ADARB2: variants seen among roughly 807,000 people sequenced by gnomAD.
The protein encoded by ADARB2 is adenosine deaminase RNA specific B2 (inactive), also known as inactive double-stranded RNA-specific editase B2.
ADARB2 carries 25 observed loss-of-function variants against 62.2 expected under a neutral mutation model. The observed-to-expected ratio is 0.40, with a 90% CI of 0.29 to 0.56. The LOEUF is 0.56. Among genes scored for constraint, ADARB2 ranks in the 20% least tolerant of loss-of-function variants. The pLI is 0.43. For missense variants in ADARB2, 1,071 were observed against 1,077.4 expected, an observed-to-expected ratio of 0.99 and a Z score of 0.08; for synonymous variants, 572 against 500.8, an observed-to-expected ratio of 1.14 and a Z score of -1.90.
chr10:1,597,932 A>G (rs904053402), intron 1 of ADARB2, among the ~76,000 whole-genome samples: 4 of 152,270 alleles, frequency 2.6e-5, no homozygotes, highest in Non-Finnish European at 4.4e-5. Context: ...GTGGAATACT[A>G]TGCAGCCATG....
At chr10:1,514,178 A>AATAT (rs61671460) in intron 1 of ADARB2, among the ~76,000 whole-genome samples, 2,090 of 94,152 alleles carry the variant, frequency 0.022, 301 homozygotes, top group South Asian at 0.043. Context: ...GCTGTCTCAA[A>AATAT]ATATATATAT....
At chr10:1,722,728 G>A (rs1835108095) in intron 1 of ADARB2, among the ~76,000 whole-genome samples, 1 of 152,040 alleles carries the variant, frequency 6.6e-6, no homozygotes, top group South Asian at 2.1e-4. Flanking sequence ...TTTTTACCTT[G>A]TGCTGTGATT....
chr10:1,494,253 G>T (rs577975473), intron 1 of ADARB2, among the ~76,000 whole-genome samples: 2 of 152,248 alleles, frequency 1.3e-5, no homozygotes, highest in African/African-American at 4.8e-5. Flanking sequence ...GAAGGAATGA[G>T]CCCATAGACA....
At chr10:1,259,009 T>C (rs923545807) in intron 4 of ADARB2, among the ~76,000 whole-genome samples, 1 of 152,150 alleles carries the variant, frequency 6.6e-6, no homozygotes, top group Admixed American at 6.6e-5. Context: ...TCAAAACTGC[T>C]CAACTACATG....
At chr10:1,420,592 C>A (rs1201322606) in intron 1 of ADARB2, among the ~76,000 whole-genome samples, 1 of 145,024 alleles carries the variant, frequency 6.9e-6, no homozygotes, top group African/African-American at 2.6e-5. Flanking sequence ...GATGGCAGGT[C>A]CTCATCTTCC....
intron 4 of ADARB2, among the ~76,000 whole-genome samples, chr10:1,263,541 G>A (rs1831164283): frequency 6.6e-6 from 1 of 152,214 alleles, no homozygotes; most frequent in African/African-American, 2.4e-5. Context: ...TGGACAATTA[G>A]ATTGAAGATA....
At chr10:1,644,083 G>C (rs1020403870) in intron 1 of ADARB2, among the ~76,000 whole-genome samples, 2 of 152,214 alleles carry the variant, frequency 1.3e-5, no homozygotes, top group African/African-American at 4.8e-5. Context: ...CAGCTAATGC[G>C]GGGAGATGGG....
At chr10:1,543,058 G>GGCCGC (rs1832460848) in intron 1 of ADARB2, among the ~76,000 whole-genome samples, 1 of 152,260 alleles carries the variant, frequency 6.6e-6, no homozygotes, top group African/African-American at 2.4e-5. Context: ...CTGTTACAGC[G>GGCCGC]ACGGTGCGGC....
At chr10:1,710,723 G>A (rs538656451) in intron 1 of ADARB2, among the ~76,000 whole-genome samples, 3 of 152,368 alleles carry the variant, frequency 2.0e-5, no homozygotes, top group Admixed American at 6.5e-5. Flanking sequence ...GTGAGCTCCC[G>A]CAGACTCTCA....
chr10:1,543,528 C>G (rs2131970863), intron 1 of ADARB2, among the ~76,000 whole-genome samples: 1 of 152,354 alleles, frequency 6.6e-6, no homozygotes, highest in East Asian at 1.9e-4. Context: ...AACGGCAGAT[C>G]TGCCGTCCAT....
chr10:1,649,582 G>A (rs781490432), intron 1 of ADARB2, among the ~76,000 whole-genome samples: 6 of 152,240 alleles, frequency 3.9e-5, no homozygotes, highest in Non-Finnish European at 7.3e-5. Context: ...AGGCACATAT[G>A]TGAAATTCTA....
Position 1,363,342 on chromosome 10 carries a change from G to A in ADARB2, c.763C>T (p.Arg255Trp), listed in dbSNP as rs1321513109. The part of the protein sequence containing the change: ...ALLSAAYGRR[R>W]LLCRALDLVG... ...AGGTCCAGCGCGCGGCACAGCAGCCGCCGTCGCCCGTAGGCCGCGGACAGA... is the reference window on the plus strand; with the variant it reads ...AGGTCCAGCGCGCGGCACAGCAGCCACCGTCGCCCGTAGGCCGCGGACAGA... Residue 255 changes from arginine (R) to tryptophan (W), a missense_variant, in exon 3 of 10, where the codon CGG (arginine) becomes TGG (tryptophan). Arg to Trp is a moderately radical substitution (Grantham distance 101, BLOSUM62 -3). Coordinates refer to ENST00000381312, the MANE Select transcript of ADARB2 (RefSeq NM_018702.4). The A allele has an allele frequency of 2.5e-5, 31 of 1,250,302 alleles. No individual in the cohort carries two copies. The highest frequency in any genetic ancestry group is 8.7e-5 in the Admixed American group (2 of 23,066). The allele number at this position is 1,250,302 out of a possible 1,614,324, so 77.5% of individuals were successfully genotyped here. A position where few individuals can be genotyped will look rare whatever the true frequency, so the allele number is the denominator to read the frequency against.
intron 3 of ADARB2, among the ~76,000 whole-genome samples, chr10:1,307,391 C>T (rs1344853068): frequency 2.8e-5 from 4 of 141,872 alleles, no homozygotes; most frequent in African/African-American, 7.6e-5. Context: ...TACCATCTCA[C>T]ACCAGTTAGA....
At chr10:1,578,856 CCACACTCATG>C (rs1833056905) in intron 1 of ADARB2, among the ~76,000 whole-genome samples, 1 of 152,152 alleles carries the variant, frequency 6.6e-6, no homozygotes, top group Non-Finnish European at 1.5e-5. Flanking sequence ...ACCCACAGGC[CCACACTCATG>C]CATTCTCCCT....
intron 1 of ADARB2, among the ~76,000 whole-genome samples, chr10:1,558,682 T>C (rs1439947990): frequency 6.6e-5 from 1 of 15,194 alleles, no homozygotes; most frequent in Non-Finnish European, 1.3e-4. Context: ...CCCATCTAAA[T>C]CCACATCCCA....
chr10:1,351,223 C>T (rs113820806), intron 3 of ADARB2, among the ~76,000 whole-genome samples: 22 of 152,320 alleles, frequency 1.4e-4, no homozygotes, highest in African/African-American at 5.1e-4. Flanking sequence ...TGAAGACTGA[C>T]GCTGCCCGAT....
At chr10:1,673,043 C>T (rs949407908) in intron 1 of ADARB2, among the ~76,000 whole-genome samples, 1 of 152,158 alleles carries the variant, frequency 6.6e-6, no homozygotes, top group African/African-American at 2.4e-5. Context: ...TCTGTTTCTG[C>T]CTCAGACACA....
chr10:1,447,906 A>T (rs1373331768), intron 1 of ADARB2, among the ~76,000 whole-genome samples: 1 of 152,020 alleles, frequency 6.6e-6, no homozygotes, highest in South Asian at 2.1e-4. Flanking sequence ...AAAAGACATG[A>T]TCTTGTTCTT....
intron 1 of ADARB2, among the ~76,000 whole-genome samples, chr10:1,480,263 T>C (rs1831449825): frequency 6.6e-6 from 1 of 152,234 alleles, no homozygotes; most frequent in Admixed American, 6.5e-5. Context: ...TGTTTGCAGG[T>C]GACCTGATAT....
Sources: gnomAD v4.1 joint callset for allele counts (sites outside exome capture counted in the v4.1 genomes callset) on GRCh38, gnomAD v4.1.1 for gene constraint, MANE v1.5 for transcripts, NCBI Gene and HGNC (gene_info 2026-07-23, HGNC 2026-07-21) for gene names.